LHCGR: variants seen among roughly 807,000 people sequenced by gnomAD.
LHCGR encodes luteinizing hormone/choriogonadotropin receptor.
Under a neutral mutation model 60.7 loss-of-function variants are expected in LHCGR, and 55 were observed. The observed-to-expected ratio is 0.91, with a 90% CI of 0.73 to 1.13. The LOEUF is 1.13. Among genes scored for constraint, LHCGR ranks in the 50% most tolerant of loss-of-function variants. LHCGR has a pLI of 0.00. For missense variants in LHCGR, 862 were observed against 836.0 expected (o/e 1.03, Z -0.38); for synonymous variants, 337 against 316.5 (o/e 1.06, Z -0.69).
intron 9 of LHCGR, among the ~76,000 whole-genome samples, chr2:48,697,401 T>G (rs1437720664): frequency 6.6e-6 from 1 of 152,244 alleles, no homozygotes; most frequent in African/African-American, 2.4e-5. Flanking sequence ...TCTTGTGTGT[T>G]GCTCCCATAC....
intron 9 of LHCGR, among the ~76,000 whole-genome samples, chr2:48,695,108 T>A: frequency 6.6e-6 from 1 of 152,214 alleles, no homozygotes; most frequent in Non-Finnish European, 1.5e-5. Context: ...GCTGTTCTAT[T>A]CATGCCCTTT....
At chr2:48,741,620 A>G (rs1016948504) in intron 1 of LHCGR, among the ~76,000 whole-genome samples, 4 of 151,640 alleles carry the variant, frequency 2.6e-5, no homozygotes, top group Non-Finnish European at 4.4e-5. Flanking sequence ...GAAATAAAAT[A>G]CTTTACAGAC....
intron 7 of LHCGR, among the ~76,000 whole-genome samples, chr2:48,712,260 A>G (rs929694673): frequency 1.3e-5 from 2 of 151,976 alleles, no homozygotes; most frequent in African/African-American, 2.4e-5. Context: ...TTTATACACT[A>G]TTTGGAGATG....
At chr2:48,725,527 A>T in intron 4 of LHCGR, 149 bp downstream of exon 4, 1 of 671,720 alleles carries the variant, frequency 1.5e-6, no homozygotes, top group Non-Finnish European at 2.6e-6. Context: ...AGAAATGACA[A>T]TTAAATTTAA....
chr2:48,712,241 A>G (rs1156824282), intron 7 of LHCGR, among the ~76,000 whole-genome samples: 3 of 151,938 alleles, frequency 2.0e-5, no homozygotes, highest in Admixed American at 6.6e-5. Context: ...GTTAGTAGTC[A>G]ATGTGCAGTT....
intron 1 of LHCGR, among the ~76,000 whole-genome samples, chr2:48,753,332 T>C (rs1019897902): frequency 2.0e-5 from 3 of 152,230 alleles, no homozygotes; most frequent in Non-Finnish European, 4.4e-5. Flanking sequence ...GGTGTCACTA[T>C]GTTGTGCCAA....
At chr2:48,742,962 A>G (rs1170859979) in intron 1 of LHCGR, among the ~76,000 whole-genome samples, 2 of 152,300 alleles carry the variant, frequency 1.3e-5, no homozygotes, top group East Asian at 1.9e-4. Flanking sequence ...TAATAAAGAA[A>G]AAAAGAGAGA....
chr2:48,748,760 A>G (rs1395714791), intron 1 of LHCGR, among the ~76,000 whole-genome samples: 1 of 152,068 alleles, frequency 6.6e-6, no homozygotes, highest in Non-Finnish European at 1.5e-5. Flanking sequence ...GGTCTCATTT[A>G]TCTTCACTAT....
chr2:48,753,665 C>T (rs1448006578), intron 1 of LHCGR, among the ~76,000 whole-genome samples: 1 of 152,046 alleles, frequency 6.6e-6, no homozygotes, highest in African/African-American at 2.4e-5. Context: ...AAGGGGGTCC[C>T]CTCCTGAGAA....
At chr2:48,694,878 C>G (rs1051463704) in intron 9 of LHCGR, among the ~76,000 whole-genome samples, 1 of 152,106 alleles carries the variant, frequency 6.6e-6, no homozygotes, top group Non-Finnish European at 1.5e-5. Flanking sequence ...TAAAATGAGG[C>G]CTGTTCTCAC....
chr2:48,715,675 C>G (rs1668215137), intron 6 of LHCGR, among the ~76,000 whole-genome samples: 1 of 152,140 alleles, frequency 6.6e-6, no homozygotes, highest in South Asian at 2.1e-4. Context: ...ACATCAACAG[C>G]ATGTATGTAC....
rs574113027 is a variant in LHCGR at position 48,720,338 on chromosome 2, C to T, written c.536+3118G>A. On this transcript the variant is annotated intron_variant, in intron 6 of 10. Coordinates refer to ENST00000294954, the MANE Select transcript of LHCGR (RefSeq NM_000233.4). ...CCCTCCTCCATGTCTTCTGCCTTTTCGTTCCTACTTCACTCCACTCCCATC... is the reference window on the plus strand; with the variant it reads ...CCCTCCTCCATGTCTTCTGCCTTTTTGTTCCTACTTCACTCCACTCCCATC... 9.8e-5 allele frequency: 15 copies of T among 152,286 alleles called. 1 individual carries two copies. The highest frequency in any genetic ancestry group is 3.9e-4 in the East Asian group (2 of 5,182). The allele number at this position is 152,286 out of a possible 1,614,324, so 9.4% of individuals were successfully genotyped here.
At chr2:48,754,470 T>C (rs769948363) in intron 1 of LHCGR, among the ~76,000 whole-genome samples, 1 of 152,156 alleles carries the variant, frequency 6.6e-6, no homozygotes. Context: ...TTCTTTCCTT[T>C]TCTCTTTTCA....
At chr2:48,706,402 G>T (rs1667675286) in intron 8 of LHCGR, among the ~76,000 whole-genome samples, 1 of 152,136 alleles carries the variant, frequency 6.6e-6, no homozygotes, top group Non-Finnish European at 1.5e-5. Flanking sequence ...GAGTATCTTT[G>T]TGGTGTTCTC....
chr2:48,688,680 CTAGAA>C lies in LHCGR; in HGVS notation c.1112_1116del (p.Ile371SerfsTer47). 1 of 1,614,108 alleles carries C rather than the reference CTAGAA, an allele frequency of 6.2e-7. No homozygotes were observed. The highest frequency in any genetic ancestry group is 8.5e-7 in the Non-Finnish European group (1 of 1,180,024). On this transcript the variant is annotated frameshift_variant, in exon 11 of 11. Coordinates refer to ENST00000294954, the MANE Select transcript of LHCGR (RefSeq NM_000233.4). LOFTEE classifies it high-confidence loss of function. This position sits in a 1 kb window ranked among gnomAD's most constrained non-coding sequence, Gnocchi z 5.2. Reference sequence around the variant, plus strand: ...AGAACAGTCATGTTTCCCATGATGGCTAGAATATTAATCAGCCAAATCAGGACCCT... The same window carrying C: ...AGAACAGTCATGTTTCCCATGATGGCTATTAATCAGCCAAATCAGGACCCT...
intron 8 of LHCGR, among the ~76,000 whole-genome samples, chr2:48,701,236 A>C (rs1045082480): frequency 6.6e-6 from 1 of 152,170 alleles, no homozygotes; most frequent in Non-Finnish European, 1.5e-5. Context: ...AGTACGAAGA[A>C]TAACAAGGAC....
chr2:48,703,864 A>G (rs186164895), intron 8 of LHCGR, among the ~76,000 whole-genome samples: 1 of 152,238 alleles, frequency 6.6e-6, no homozygotes, highest in East Asian at 1.9e-4. Context: ...CTTTTCCTAA[A>G]TGAATACCCT....
At chr2:48,689,643 T>G (rs1329000195) in intron 10 of LHCGR, among the ~76,000 whole-genome samples, 4 of 152,158 alleles carry the variant, frequency 2.6e-5, no homozygotes, top group African/African-American at 4.8e-5. Flanking sequence ...TTGTCCCTAG[T>G]GAAAGAACAG....
intron 1 of LHCGR, among the ~76,000 whole-genome samples, chr2:48,741,864 A>C (rs1458159314): frequency 6.6e-6 from 1 of 151,212 alleles, no homozygotes; most frequent in Non-Finnish European, 1.5e-5. Flanking sequence ...ATGTAAATGG[A>C]CTAAATGCTC....
Sources: gnomAD v4.1 joint callset for allele counts (sites outside exome capture counted in the v4.1 genomes callset) on GRCh38, gnomAD v4.1.1 for gene constraint, Gnocchi (gnomAD v3.1) non-coding constraint, MANE v1.5 for transcripts, NCBI Gene and HGNC (gene_info 2026-07-23, HGNC 2026-07-21) for gene names.